DSCAML1: variants seen among roughly 807,000 people sequenced by gnomAD.
The protein encoded by DSCAML1 is cell adhesion molecule DSCAML1.
DSCAML1 carries 38 observed loss-of-function variants against 200.5 expected under a neutral mutation model. The observed-to-expected ratio is 0.19, with a 90% CI of 0.15 to 0.25. DSCAML1 has a LOEUF of 0.25. DSCAML1 is among the 10% of genes least tolerant of loss of function. The probability of loss-of-function intolerance (pLI) is 1.00; values close to 1 mark genes in which losing one functional copy is unlikely to be tolerated. For missense variants in DSCAML1, 2,223 were observed against 2,858.8 expected (o/e 0.78, Z 5.07); for synonymous variants, 1,215 against 1,165.0 (o/e 1.04, Z -0.87).
At chr11:117,687,292 G>A (rs1474091480) in intron 3 of DSCAML1, among the ~76,000 whole-genome samples, 1 of 152,074 alleles carries the variant, frequency 6.6e-6, no homozygotes, top group Non-Finnish European at 1.5e-5. Flanking sequence ...ACAAGATCTC[G>A]CTCTGTAACC....
intron 3 of DSCAML1, among the ~76,000 whole-genome samples, chr11:117,560,646 A>G (rs1342166219): frequency 6.6e-6 from 1 of 152,160 alleles, no homozygotes; most frequent in African/African-American, 2.4e-5. Flanking sequence ...GCCTCTTGCC[A>G]GGGTGGCAGA....
chr11:117,517,973 T>TTA (rs1405906431), intron 7 of DSCAML1, among the ~76,000 whole-genome samples: 1 of 152,178 alleles, frequency 6.6e-6, no homozygotes, highest in African/African-American at 2.4e-5. Context: ...TCCTGGTTGC[T>TTA]TATACCTCCT....
chr11:117,654,749 G>T (rs7950490), intron 3 of DSCAML1, among the ~76,000 whole-genome samples: 2,213 of 152,270 alleles, frequency 0.015, 54 homozygotes, highest in African/African-American at 0.05. Context: ...GGACGGCCTT[G>T]TTCTCACCCA....
intron 3 of DSCAML1, among the ~76,000 whole-genome samples, chr11:117,661,831 G>A (rs2052860353): frequency 6.6e-6 from 1 of 152,216 alleles, no homozygotes; most frequent in South Asian, 2.1e-4. Context: ...TAGAGTCATA[G>A]GGACTGGGCC....
chr11:117,734,416 G>A (rs1215225399), intron 3 of DSCAML1, among the ~76,000 whole-genome samples: 1 of 152,094 alleles, frequency 6.6e-6, no homozygotes, highest in African/African-American at 2.4e-5. Context: ...TGGCCCCTCG[G>A]GTCCCCACAT....
At chr11:117,546,467 T>C (rs2050375496) in intron 3 of DSCAML1, among the ~76,000 whole-genome samples, 1 of 152,200 alleles carries the variant, frequency 6.6e-6, no homozygotes, top group Non-Finnish European at 1.5e-5. Flanking sequence ...GACTCAGAAC[T>C]TGACCTGGAT....
At chr11:117,554,353 A>G (rs560635053) in intron 3 of DSCAML1, among the ~76,000 whole-genome samples, 30 of 152,248 alleles carry the variant, frequency 2.0e-4, no homozygotes, top group African/African-American at 7.2e-4. Flanking sequence ...TACCATGGAC[A>G]AAAACATTTT....
In DSCAML1 at chr11:117,629,219, C is replaced by T. The variant is rs752135251; in HGVS notation, c.512-96697G>A. On this transcript the variant is annotated intron_variant, in intron 3 of 32. Transcript: ENST00000651296. ...TCAACAGAAAGGAGACCTGGTTACG[C>T]TCTCTATGATATGTCACTGTCTGGA... Among the ~76,000 whole-genome samples the T allele has an allele frequency of 1.6e-4, 24 of 152,190 alleles. 1 individual carries two copies. The highest frequency in any genetic ancestry group is 8.3e-4 in the South Asian group (4 of 4,830).
rs1378945265 is a variant in DSCAML1, at chr11:117,498,164, G to T, written c.2359+5681C>A. On this transcript the variant is annotated intron_variant, in intron 11 of 32. Coordinates refer to ENST00000651296, the MANE Select transcript of DSCAML1 (RefSeq NM_020693.4). The surrounding 1 kb of genome is among the most constrained non-coding windows in gnomAD (Gnocchi z 4.0). The stretch of plus-strand genomic sequence containing the variant: ...AGGAGCTTCAGTCTGTGACGAGATA[G>T]GACCCACCACCGGGGAACACACAGG... Among the ~76,000 whole-genome samples, 1 of 152,240 alleles carries T rather than the reference G, an allele frequency of 6.6e-6. No individual in the cohort carries two copies. Among genetic ancestry groups the T allele is most frequent in the African/African-American group, 2.4e-5 (1 of 41,454 alleles).
chr11:117,729,371 C>A lies in DSCAML1; in HGVS notation c.511+47420G>T, dbSNP rs147019067. ...ATGCCCTCAGATTAGATAATGGTTT[C>A]TTTAGATATGATACCAAAGCACAAG... On this transcript the variant is annotated intron_variant, in intron 3 of 32. Coordinates refer to ENST00000651296, the MANE Select transcript of DSCAML1 (RefSeq NM_020693.4). Among the ~76,000 whole-genome samples, 1,451 of 152,228 alleles carry A rather than the reference C, an allele frequency of 9.5e-3. 17 individuals carry two copies. Among genetic ancestry groups the A allele is most frequent in the Middle Eastern group, 0.037 (11 of 294 alleles).
At position 117,505,035 on chromosome 11, in the gene DSCAML1, G is replaced by A. The variant is rs1307507529; in HGVS notation, c.2071C>T (p.Arg691Ter). 3 of 1,611,652 alleles carry A rather than the reference G, an allele frequency of 1.9e-6. No homozygotes were observed. The highest frequency in any genetic ancestry group is 2.2e-5 in the East Asian group (1 of 44,846). ...ERQLIVRVPPRFVVQPNNQDG... is the reference protein window; with the variant it reads ...ERQLIVRVPP The stretch of plus-strand genomic sequence containing the variant: ...TGGTTGTTGGGTTGCACCACAAATC[G>A]AGGGGGCACTGCAGAAAGAGGGAAG... The change falls in exon 10 of 33, where the codon CGA becomes TGA. Residue 691 changes from arginine (R) to a stop codon, truncating the protein, a stop_gained. Transcript: ENST00000651296. LOFTEE classifies it high-confidence loss of function. The surrounding 1 kb of genome is among the most constrained non-coding windows in gnomAD (Gnocchi z 6.7).
In DSCAML1 at chr11:117,752,080, C is replaced by T. The variant is rs116827371; in HGVS notation, c.511+24711G>A. Reference sequence around the variant, plus strand: ...TGTCACTTCAATGTTTCAGAGTATACTGCAGAAGGCAGGGTCTCTCTCCCT... The same window carrying T: ...TGTCACTTCAATGTTTCAGAGTATATTGCAGAAGGCAGGGTCTCTCTCCCT... On this transcript the variant is annotated intron_variant, in intron 3 of 32. Transcript: ENST00000651296. Among the ~76,000 whole-genome samples the T allele has an allele frequency of 6.9e-3, 1,046 of 152,292 alleles. 9 individuals are homozygous for T. Among genetic ancestry groups the T allele is most frequent in the African/African-American group, 0.024 (979 of 41,556 alleles).
intron 3 of DSCAML1, among the ~76,000 whole-genome samples, chr11:117,716,721 G>C (rs1807682792): frequency 6.6e-6 from 1 of 152,130 alleles, no homozygotes; most frequent in African/African-American, 2.4e-5. Flanking sequence ...GGGGGAAAAA[G>C]AAAACACCAA....
chr11:117,518,587 G>A lies in DSCAML1; in HGVS notation c.1389C>T (p.Asp463=), dbSNP rs200809844. 4.3e-6 allele frequency: 7 copies of A among 1,614,052 alleles called. No individual in the cohort carries two copies. The highest frequency in any genetic ancestry group is 1.3e-5 in the African/African-American group (1 of 75,060). Residue 463 remains aspartate (D), a synonymous_variant, in exon 7 of 33, where the codon GAC becomes GAT. Transcript: ENST00000651296. This position sits in a 1 kb window ranked among gnomAD's most constrained non-coding sequence, Gnocchi z 6.3. ...SHRTNQYTMS[D]GTTISHMNVT... ...CGTTCATGTGGCTGATGGTGGTGCC[G>A]TCCGACATGGTGTACTGGTTGGTGC...
intron 1 of DSCAML1, among the ~76,000 whole-genome samples, chr11:117,790,255 G>A (rs1320713656): frequency 1.3e-5 from 2 of 152,224 alleles, no homozygotes; most frequent in Admixed American, 1.3e-4. Context: ...TGTCCCTTTG[G>A]GGGAGTTGGT....
chr11:117,813,003 A>G (rs1591528276), intron 1 of DSCAML1, among the ~76,000 whole-genome samples: 1 of 152,128 alleles, frequency 6.6e-6, no homozygotes, highest in East Asian at 1.9e-4. Context: ...TCTGTCAGAC[A>G]TAATTCCTCA....
chr11:117,772,035 C>T (rs1262311054), intron 3 of DSCAML1, among the ~76,000 whole-genome samples: 3 of 152,072 alleles, frequency 2.0e-5, no homozygotes, highest in Non-Finnish European at 2.9e-5. Flanking sequence ...AGGAATGAAA[C>T]CAGGGTAGTA....
chr11:117,444,727 G>T (rs903768967), intron 20 of DSCAML1, among the ~76,000 whole-genome samples: 4 of 152,198 alleles, frequency 2.6e-5, no homozygotes, highest in Non-Finnish European at 4.4e-5. Flanking sequence ...GATCCCAGTG[G>T]TTTTACCAGT....
intron 3 of DSCAML1, among the ~76,000 whole-genome samples, chr11:117,766,603 C>T (rs2054901412): frequency 1.3e-5 from 2 of 152,202 alleles, no homozygotes; most frequent in African/African-American, 4.8e-5. Context: ...GCCAACTTAA[C>T]CAAACAATGC....
Sources: allele counts gnomAD v4.1 joint callset (sites outside exome capture counted in the v4.1 genomes callset), GRCh38; gene constraint gnomAD v4.1.1; non-coding constraint Gnocchi (gnomAD v3.1); transcripts MANE v1.5; gene names NCBI Gene and HGNC (gene_info 2026-07-23, HGNC 2026-07-21).